Variants in KLHL1 observed in about 807,000 individuals in gnomAD.
The protein encoded by KLHL1 is kelch like family member 1.
In KLHL1, 47 loss-of-function variants were observed where a neutral mutation model predicts 77.7. That is an observed-to-expected ratio of 0.60 (90% CI 0.48 to 0.77). KLHL1 has a LOEUF of 0.77. Among genes scored for constraint, KLHL1 ranks in the 30% least tolerant of loss-of-function variants. The pLI is 0.00. For missense variants in KLHL1, 925 were observed against 910.8 expected (o/e 1.02, Z -0.20); for synonymous variants, 360 against 325.2 (o/e 1.11, Z -1.15).
At chr13:69,704,122 A>T (rs1593757790) in intron 10 of KLHL1, among the ~76,000 whole-genome samples, 1 of 151,754 alleles carries the variant, frequency 6.6e-6, no homozygotes, top group Non-Finnish European at 1.5e-5. Flanking sequence ...CTTCATCTAC[A>T]TTTATACCTC....
At chr13:69,894,206 C>A in intron 4 of KLHL1, 1 of 152,970 alleles carries the variant, frequency 6.5e-6, no homozygotes. Flanking sequence ...TTCACATTGC[C>A]TTGAGGTCTG....
chr13:69,869,984 G>A (rs1474234215), intron 5 of KLHL1, among the ~76,000 whole-genome samples: 5 of 152,100 alleles, frequency 3.3e-5, no homozygotes, highest in Admixed American at 6.6e-5. Flanking sequence ...GTTCTGCAGG[G>A]TGTTTTGTTT....
At chr13:69,963,047 ATTTG>A (rs1317822748) in intron 2 of KLHL1, among the ~76,000 whole-genome samples, 1 of 152,004 alleles carries the variant, frequency 6.6e-6, no homozygotes, top group African/African-American at 2.4e-5. Context: ...CCTAACATTT[ATTTG>A]TTTGTTTATA....
chr13:69,853,322 C>T (rs1353543828), intron 5 of KLHL1, among the ~76,000 whole-genome samples: 1 of 151,898 alleles, frequency 6.6e-6, no homozygotes, highest in African/African-American at 2.4e-5. Context: ...TTATAAGGGG[C>T]TTTTCCCCCT....
chr13:70,016,837 T>A (rs1430866290), intron 1 of KLHL1, among the ~76,000 whole-genome samples: 1 of 151,734 alleles, frequency 6.6e-6, no homozygotes, highest in Non-Finnish European at 1.5e-5. Context: ...CTTATGGTGG[T>A]TTTTCCAGGT....
chr13:69,757,864 G>A (rs565569003), intron 7 of KLHL1, among the ~76,000 whole-genome samples: 2 of 151,102 alleles, frequency 1.3e-5, no homozygotes, highest in Admixed American at 6.6e-5. Flanking sequence ...GGCTGAGGCA[G>A]GAGAATCTCC....
chr13:70,016,807 T>C (rs1329455823), intron 1 of KLHL1, among the ~76,000 whole-genome samples: 7 of 151,896 alleles, frequency 4.6e-5, no homozygotes, highest in African/African-American at 1.5e-4. Flanking sequence ...CTGGGTAGAG[T>C]CTGGGGCCTG....
chr13:69,703,113 T>C (rs78512986), intron 10 of KLHL1, among the ~76,000 whole-genome samples: 2,910 of 151,794 alleles, frequency 0.019, 100 homozygotes, highest in African/African-American at 0.067. Context: ...AATACAGTCA[T>C]GCACTGCATA....
rs564423070 is a variant in KLHL1, at chr13:69,966,939, G to T, written c.681-5495C>A. Reference sequence around the variant, plus strand: ...CCATCCATGTGACCATGAATGACATGATTTCATTTTTTTAATGGCTGAATA... The same window carrying T: ...CCATCCATGTGACCATGAATGACATTATTTCATTTTTTTAATGGCTGAATA... On this transcript the variant is annotated intron_variant, in intron 2 of 10. Transcript: ENST00000377844. 2.0e-5 allele frequency among the ~76,000 whole-genome samples: 3 copies of T among 152,158 alleles called. No individual in the cohort carries two copies. In the East Asian group the frequency reaches 5.8e-4, roughly 29 times the overall value.
In KLHL1 at chr13:70,032,652, G is replaced by T. The variant is rs75453304; in HGVS notation, c.498-56850C>A. On this transcript the variant is annotated intron_variant, in intron 1 of 10. Coordinates refer to ENST00000377844, the MANE Select transcript of KLHL1 (RefSeq NM_020866.3). ...ATGCTCTTTATTTTTTAAATGTATA[G>T]TTTTGAAAAATTCTTCAGAAAATTA... is the stretch of plus-strand genomic sequence containing the variant. Among the ~76,000 whole-genome samples the T allele has an allele frequency of 1.7e-3, 260 of 152,144 alleles. 6 individuals carry two copies. The East Asian group carries it at 0.04, about 23-fold the overall frequency.
At chr13:70,100,687 G>T (rs539990003) in intron 1 of KLHL1, among the ~76,000 whole-genome samples, 7 of 152,084 alleles carry the variant, frequency 4.6e-5, no homozygotes, top group Middle Eastern at 6.8e-3. Context: ...CTTTAATTTT[G>T]CTCAGATTAT....
chr13:70,014,822 A>T (rs1472518676), intron 1 of KLHL1, among the ~76,000 whole-genome samples: 1 of 152,100 alleles, frequency 6.6e-6, no homozygotes, highest in African/African-American at 2.4e-5. Flanking sequence ...CTTTTGTGGG[A>T]AAAACATTCT....
At chr13:69,885,232 G>T (rs185147397) in intron 4 of KLHL1, among the ~76,000 whole-genome samples, 1 of 136,784 alleles carries the variant, frequency 7.3e-6, no homozygotes, top group Non-Finnish European at 1.5e-5. Flanking sequence ...GAGCCACCGC[G>T]CCCGGCCCTT....
chr13:69,925,982 A>G (rs932399187), intron 4 of KLHL1, among the ~76,000 whole-genome samples: 1 of 152,254 alleles, frequency 6.6e-6, no homozygotes, highest in Non-Finnish European at 1.5e-5. Context: ...AATCAAATAC[A>G]ATACATATGC....
At position 70,005,252 on chromosome 13, in the gene KLHL1, C is replaced by A. The variant is rs187499170; in HGVS notation, c.498-29450G>T. Among the ~76,000 whole-genome samples the A allele has an allele frequency of 6.5e-4, 99 of 151,940 alleles. 2 individuals carry two copies. In the Middle Eastern group the frequency reaches 0.024, roughly 37 times the overall value. On this transcript the variant is annotated intron_variant, in intron 1 of 10. Transcript: ENST00000377844. ...GAAGACTAAATTTTAAGAAAAACTT[C>A]CATGAGCAATAGTAAAAAAATGCAA...
intron 4 of KLHL1, among the ~76,000 whole-genome samples, chr13:69,923,437 G>C (rs1466129651): frequency 6.6e-6 from 1 of 152,106 alleles, no homozygotes; most frequent in Non-Finnish European, 1.5e-5. Flanking sequence ...TTGTCTTCTT[G>C]AAATTGCAGG....
intron 5 of KLHL1, among the ~76,000 whole-genome samples, chr13:69,855,537 G>A (rs752986185): frequency 2.2e-5 from 3 of 136,314 alleles, no homozygotes; most frequent in Non-Finnish European, 4.8e-5. Context: ...GAGACCACGT[G>A]GAAATAATGT....
chr13:69,790,519 G>C (rs1021276680), intron 7 of KLHL1, among the ~76,000 whole-genome samples: 5 of 152,010 alleles, frequency 3.3e-5, no homozygotes, highest in Non-Finnish European at 7.4e-5. Flanking sequence ...TATCTCTTGT[G>C]ACTATAGATG....
chr13:70,004,710 A>C (rs1885367607), intron 1 of KLHL1, among the ~76,000 whole-genome samples: 1 of 151,892 alleles, frequency 6.6e-6, no homozygotes, highest in African/African-American at 2.4e-5. Context: ...CTTTTTTAAA[A>C]TGTTGTGATT....
Sources: gnomAD v4.1 joint callset for allele counts (sites outside exome capture counted in the v4.1 genomes callset) on GRCh38, gnomAD v4.1.1 for gene constraint, MANE v1.5 for transcripts, NCBI Gene and HGNC (gene_info 2026-07-23, HGNC 2026-07-21) for gene names.